Variants in GAB2 observed in about 807,000 individuals in gnomAD.
GAB2 encodes the protein GRB2-associated-binding protein 2.
Under a neutral mutation model 65.5 loss-of-function variants are expected in GAB2, and 26 were observed. That is an observed-to-expected ratio of 0.40 (90% CI 0.29 to 0.55). The LOEUF (loss-of-function observed/expected upper bound fraction) is 0.55. Among genes scored for constraint, GAB2 ranks in the 20% least tolerant of loss-of-function variants. GAB2 has a pLI of 0.53. For synonymous variants in GAB2, 321 were observed against 329.6 expected (o/e 0.97, Z 0.28); for missense variants, 884 against 875.8 (o/e 1.01, Z -0.12).
rs563338923 is a variant in GAB2 at position 78,328,458 on chromosome 11, T to C, written c.76-47557A>G. On this transcript the variant is annotated intron_variant, in intron 1 of 9. Coordinates refer to ENST00000361507, the MANE Select transcript of GAB2 (RefSeq NM_080491.3). ...TGTAATAAAACTGACAAAAAGTCTATTAAAAATGACATTACAGACTTATAG... is the reference window on the plus strand; with the variant it reads ...TGTAATAAAACTGACAAAAAGTCTACTAAAAATGACATTACAGACTTATAG... Among the ~76,000 whole-genome samples, 12 of 152,096 alleles carry C rather than the reference T, an allele frequency of 7.9e-5. No homozygotes were observed. The South Asian group carries it at 1.5e-3, about 18-fold the overall frequency.
chr11:78,376,107 G>A (rs1388256814), intron 1 of GAB2, among the ~76,000 whole-genome samples: 1 of 152,216 alleles, frequency 6.6e-6, no homozygotes. Context: ...ATACGAACAG[G>A]ACCAGATAGG....
chr11:78,286,947 C>A (rs569748911), intron 1 of GAB2, among the ~76,000 whole-genome samples: 19 of 152,120 alleles, frequency 1.2e-4, no homozygotes, highest in African/African-American at 4.1e-4. Flanking sequence ...ACTGTTCTAA[C>A]GTCTATATAA....
At chr11:78,391,435 A>G (rs1461856108) in intron 1 of GAB2, among the ~76,000 whole-genome samples, 1 of 152,256 alleles carries the variant, frequency 6.6e-6, no homozygotes, top group Non-Finnish European at 1.5e-5. Flanking sequence ...AAGTATGGCC[A>G]AAGTAACACT....
chr11:78,346,723 T>TA (rs1856196627), intron 1 of GAB2, among the ~76,000 whole-genome samples: 1 of 77,014 alleles, frequency 1.3e-5, no homozygotes. Context: ...ATATATATAA[T>TA]TTTTTTTTTT....
At chr11:78,237,565 G>A (rs1275160801) in intron 3 of GAB2, among the ~76,000 whole-genome samples, 12 of 152,032 alleles carry the variant, frequency 7.9e-5, no homozygotes, top group Non-Finnish European at 1.5e-5. Flanking sequence ...GGGGGCATGA[G>A]GAAATGTTAT....
intron 1 of GAB2, among the ~76,000 whole-genome samples, chr11:78,308,951 A>G (rs1253923793): frequency 6.6e-6 from 1 of 152,236 alleles, no homozygotes; most frequent in African/African-American, 2.4e-5. Context: ...CATCCTGGAA[A>G]GATGCTGAGG....
chr11:78,274,763 C>T (rs1866120137), intron 2 of GAB2, among the ~76,000 whole-genome samples: 1 of 152,184 alleles, frequency 6.6e-6, no homozygotes, highest in Non-Finnish European at 1.5e-5. Context: ...GAACCTCAGC[C>T]TGCCATAGGG....
chr11:78,275,354 G>A lies in GAB2; in HGVS notation c.376+5247C>T, dbSNP rs574176022. 2.6e-5 allele frequency among the ~76,000 whole-genome samples: 4 copies of A among 152,104 alleles called. No homozygotes were observed. In the South Asian group the frequency reaches 8.3e-4, roughly 31 times the overall value. ...AAAATGGAAATAAAGGTGATAAAGT[G>A]ATTAAATGAAATAGGCTACTAAGCA... is the stretch of plus-strand genomic sequence containing the variant. On this transcript the variant is annotated intron_variant, in intron 2 of 9. Transcript: ENST00000361507.
intron 1 of GAB2, among the ~76,000 whole-genome samples, chr11:78,367,751 A>AG (rs1259310613): frequency 1.3e-5 from 2 of 151,464 alleles, no homozygotes; most frequent in Admixed American, 6.6e-5. Flanking sequence ...AGTATTAAGG[A>AG]GGTGAGAGCA....
chr11:78,253,943 A>G (rs1157860134), intron 2 of GAB2, among the ~76,000 whole-genome samples: 1 of 152,230 alleles, frequency 6.6e-6, no homozygotes, highest in African/African-American at 2.4e-5. Context: ...CTGCCTTGTC[A>G]TCAAATGCAT....
In GAB2 at chr11:78,216,362, G is replaced by A. The variant is rs1170608607; in HGVS notation, c.*2910C>T. 1.7e-4 allele frequency: 26 copies of A among 152,202 alleles called. 1 individual carries two copies. The highest frequency in any genetic ancestry group is 1.7e-3 in the Admixed American group (26 of 15,264). The allele number at this position is 152,202 out of a possible 1,614,324, so 9.4% of individuals were successfully genotyped here. Reference sequence around the variant, plus strand: ...AGTCCTCTCCAGGCCCCCAGGAGAGGTGGACTTTGACCCATGGATAGGCCA... The same window carrying A: ...AGTCCTCTCCAGGCCCCCAGGAGAGATGGACTTTGACCCATGGATAGGCCA... On this transcript the variant is annotated 3_prime_UTR_variant, in exon 10 of 10. Transcript: ENST00000361507.
At chr11:78,304,657 A>T (rs1201908167) in intron 1 of GAB2, among the ~76,000 whole-genome samples, 1 of 152,066 alleles carries the variant, frequency 6.6e-6, no homozygotes, top group Non-Finnish European at 1.5e-5. Context: ...GCCCTCAGAG[A>T]AACTGTAGTC....
At chr11:78,380,533 C>T (rs1393191671) in intron 1 of GAB2, among the ~76,000 whole-genome samples, 1 of 152,126 alleles carries the variant, frequency 6.6e-6, no homozygotes, top group Admixed American at 6.5e-5. Flanking sequence ...ACAAAGACTC[C>T]CTAATAGCTG....
At chr11:78,388,380 G>A (rs1187872777) in intron 1 of GAB2, among the ~76,000 whole-genome samples, 2 of 150,038 alleles carry the variant, frequency 1.3e-5, no homozygotes, top group African/African-American at 2.5e-5. Flanking sequence ...AGGGTGGAGT[G>A]CAGTGGCATG....
At chr11:78,353,351 G>T (rs932786894) in intron 1 of GAB2, among the ~76,000 whole-genome samples, 1 of 152,224 alleles carries the variant, frequency 6.6e-6, no homozygotes, top group Non-Finnish European at 1.5e-5. Flanking sequence ...TGAGGCAGGA[G>T]AATCACTTGA....
chr11:78,390,417 A>ATC (rs1303579016), intron 1 of GAB2, among the ~76,000 whole-genome samples: 23 of 152,294 alleles, frequency 1.5e-4, no homozygotes, highest in Middle Eastern at 6.8e-3. Context: ...GAGATCCCGT[A>ATC]TCTACAAAAA....
chr11:78,349,235 A>C (rs1049605123), intron 1 of GAB2, among the ~76,000 whole-genome samples: 15 of 152,218 alleles, frequency 9.9e-5, no homozygotes, highest in Admixed American at 3.3e-4. Context: ...CTGCCACTGG[A>C]AACAAGTTAG....
In GAB2 at chr11:78,280,442, G is replaced by A. The variant is rs1029737684; in HGVS notation, c.376+159C>T. The A allele has an allele frequency of 1.8e-5, 12 of 657,512 alleles. No individual in the cohort carries two copies. The African/African-American group carries it at 2.2e-4, about 12-fold the overall frequency. The allele number at this position is 657,512 out of a possible 1,614,324, so 40.7% of individuals were successfully genotyped here. ...AGTTAGAGCATAATTAGGGCCAGGT[G>A]TCCCTCTAATATTTGGCCAACCCCT... On this transcript the variant is annotated intron_variant, in intron 2 of 9. Coordinates refer to ENST00000361507, the MANE Select transcript of GAB2 (RefSeq NM_080491.3).
chr11:78,417,579 TC>T, intron 1 of GAB2, 66 bp downstream of exon 1: 4 of 807,252 alleles, frequency 5.0e-6, no homozygotes, highest in South Asian at 6.9e-5. Flanking sequence ...CCTCCGGGAG[TC>T]CCCCGCCCCT....
Sources: gnomAD v4.1 joint callset for allele counts (sites outside exome capture counted in the v4.1 genomes callset) on GRCh38, gnomAD v4.1.1 for gene constraint, MANE v1.5 for transcripts, NCBI Gene and HGNC (gene_info 2026-07-23, HGNC 2026-07-21) for gene names.